Variants in CDC42BPB observed in about 807,000 individuals in gnomAD.
CDC42BPB encodes serine/threonine-protein kinase MRCK beta.
Under a neutral mutation model 214.9 loss-of-function variants are expected in CDC42BPB, and 37 were observed. The ratio of observed to expected loss-of-function variants is 0.17; its 90% CI spans 0.13 to 0.23. The LOEUF (loss-of-function observed/expected upper bound fraction) is 0.23, where lower values mean the gene tolerates loss of function less well. CDC42BPB is among the 10% of genes least tolerant of loss of function. CDC42BPB has a pLI of 1.00. For synonymous variants in CDC42BPB, 931 were observed against 884.0 expected (o/e 1.05, Z -0.94); for missense variants, 1,694 against 2,227.0 (o/e 0.76, Z 4.82).
intron 1 of CDC42BPB, among the ~76,000 whole-genome samples, chr14:103,050,231 G>C (rs918362067): frequency 6.6e-6 from 1 of 152,186 alleles, no homozygotes; most frequent in Non-Finnish European, 1.5e-5. Flanking sequence ...CTGAGGACCT[G>C]AGAGCTTTAC....
intron 34 of CDC42BPB, 66 bp downstream of exon 34, chr14:102,939,544 A>C: frequency 8.7e-7 from 1 of 1,154,272 alleles, no homozygotes; most frequent in Non-Finnish European, 1.3e-6. Flanking sequence ...CTCAGCCAGC[A>C]TGGCTGCCTG....
At chr14:103,049,565 C>G (rs889530384) in intron 1 of CDC42BPB, among the ~76,000 whole-genome samples, 1 of 152,208 alleles carries the variant, frequency 6.6e-6, no homozygotes, top group Non-Finnish European at 1.5e-5. Flanking sequence ...GCGGAGCAAG[C>G]GACTGGTAGA....
chr14:102,974,511 TTTAG>T (rs1371917727), intron 11 of CDC42BPB, among the ~76,000 whole-genome samples: 8 of 152,148 alleles, frequency 5.3e-5, no homozygotes, highest in African/African-American at 1.7e-4. Context: ...CAAGAAAAGT[TTTAG>T]TTAGTAAGTG....
In CDC42BPB at chr14:102,945,776, A is replaced by G. The variant is rs757255059; in HGVS notation, c.3749-52T>C. 4 of 1,546,786 alleles carry G rather than the reference A, an allele frequency of 2.6e-6. No homozygotes were observed. In the African/African-American group the frequency reaches 4.1e-5, roughly 16 times the overall value. On this transcript the variant is annotated intron_variant, in intron 28 of 36. Transcript: ENST00000361246. ...AAGTCAGTACAGCCGACCGTGAACAATATGGGTTTGAATGCGTGGGTGGGC... is the reference window on the plus strand; with the variant it reads ...AAGTCAGTACAGCCGACCGTGAACAGTATGGGTTTGAATGCGTGGGTGGGC...
intron 1 of CDC42BPB, among the ~76,000 whole-genome samples, chr14:103,055,354 T>C (rs572582440): frequency 2.6e-5 from 4 of 152,254 alleles, no homozygotes; most frequent in South Asian, 2.1e-4. Flanking sequence ...ACCCAGGAGA[T>C]GGAGGTTGTA....
At chr14:102,991,702 C>A (rs1002980282) in intron 5 of CDC42BPB, among the ~76,000 whole-genome samples, 6 of 152,188 alleles carry the variant, frequency 3.9e-5, no homozygotes, top group Non-Finnish European at 8.8e-5. Flanking sequence ...AAAATATTAA[C>A]AATACGTGAA....
intron 26 of CDC42BPB, 70 bp downstream of exon 26, chr14:102,949,695 C>A: frequency 1.3e-6 from 2 of 1,591,920 alleles, no homozygotes; most frequent in South Asian, 1.1e-5. Flanking sequence ...CTAAGGAACA[C>A]ACCGTCCTTT....
At chr14:103,033,223 G>GT (rs904569326) in intron 1 of CDC42BPB, among the ~76,000 whole-genome samples, 3 of 151,570 alleles carry the variant, frequency 2.0e-5, no homozygotes, top group African/African-American at 4.8e-5. Flanking sequence ...TTTTATTTTT[G>GT]TTTTTTTGTT....
chr14:103,046,872 T>TC (rs957929371), intron 1 of CDC42BPB, among the ~76,000 whole-genome samples: 1 of 151,910 alleles, frequency 6.6e-6, no homozygotes, highest in Non-Finnish European at 1.5e-5. Context: ...CAGGCTGGTC[T>TC]CCAACTCCTG....
At chr14:102,950,329 G>T in intron 25 of CDC42BPB, 137 bp downstream of exon 25, 1 of 1,219,842 alleles carries the variant, frequency 8.2e-7, no homozygotes, top group Non-Finnish European at 1.2e-6. Flanking sequence ...TCAGTGCCCA[G>T]GAGGGTAAGC....
At chr14:102,965,730 G>A (rs1893171711) in intron 18 of CDC42BPB, among the ~76,000 whole-genome samples, 1 of 152,232 alleles carries the variant, frequency 6.6e-6, no homozygotes, top group South Asian at 2.1e-4. Flanking sequence ...GCCGAAGCGG[G>A]CAGATCACCT....
intron 1 of CDC42BPB, among the ~76,000 whole-genome samples, chr14:103,015,053 G>A (rs1409665282): frequency 2.0e-5 from 3 of 152,094 alleles, no homozygotes; most frequent in Non-Finnish European, 4.4e-5. Context: ...TTTAATAGTT[G>A]TGTACACATT....
chr14:103,041,105 AG>A (rs1280223494), intron 1 of CDC42BPB, among the ~76,000 whole-genome samples: 1 of 152,234 alleles, frequency 6.6e-6, no homozygotes, highest in Non-Finnish European at 1.5e-5. Flanking sequence ...TACAACCGAG[AG>A]TCCAGAAAGA....
rs140426981 is a variant in CDC42BPB at position 102,967,150 on chromosome 14, T to C, written c.2367A>G (p.Lys789=). 2.4e-5 allele frequency: 38 copies of C among 1,614,072 alleles called. No individual in the cohort carries two copies. The African/African-American group carries it at 4.1e-4, about 18-fold the overall frequency. Residue 789 remains lysine, a synonymous_variant, in exon 17 of 37, where the codon AAA becomes AAG. Coordinates refer to ENST00000361246, the MANE Select transcript of CDC42BPB (RefSeq NM_006035.4). Reference sequence around the variant, plus strand: ...CCAGCTGTCTATTTTGAGCTGTGAGTTTATCCACAAAGGAACAGAGCTGAA... The same window carrying C: ...CCAGCTGTCTATTTTGAGCTGTGAGCTTATCCACAAAGGAACAGAGCTGAA... The part of the protein sequence containing the change: ...ENEKLCSFVD[K]LTAQNRQLED...
In CDC42BPB at chr14:103,029,858, C is replaced by CAA. The variant is rs11299296; in HGVS notation, c.176-17672_176-17671dup. On this transcript the variant is annotated intron_variant, in intron 1 of 36. Transcript: ENST00000361246. ...TAGTGACAGAGGGAGACTCCATCTCCAAAAAAAAAAAAAAAAAAAAAAAAA... is the reference window on the plus strand; with the variant it reads ...TAGTGACAGAGGGAGACTCCATCTCCAAAAAAAAAAAAAAAAAAAAAAAAAAA... Among the ~76,000 whole-genome samples the CAA allele has an allele frequency of 6.0e-3, 373 of 62,258 alleles. 1 individual carries two copies. The highest frequency in any genetic ancestry group is 0.016 in the African/African-American group (254 of 16,288). The allele number at this position is 62,258 out of a possible 152,430, so 40.8% of individuals were successfully genotyped here. A position where few individuals can be genotyped will look rare whatever the true frequency, so the allele number is the denominator to read the frequency against.
intron 4 of CDC42BPB, among the ~76,000 whole-genome samples, chr14:103,000,848 T>C (rs971424708): frequency 1.4e-4 from 21 of 151,954 alleles, no homozygotes; most frequent in African/African-American, 4.4e-4. Context: ...CAAGACCCCA[T>C]CGACACGGGA....
intron 19 of CDC42BPB, among the ~76,000 whole-genome samples, chr14:102,964,157 A>G (rs1185040530): frequency 2.6e-5 from 4 of 152,236 alleles, no homozygotes. Context: ...ATGGAGCGGC[A>G]CGGAGGTGAC....
intron 1 of CDC42BPB, among the ~76,000 whole-genome samples, chr14:103,038,015 C>T (rs1566920307): frequency 7.0e-6 from 1 of 143,486 alleles, no homozygotes; most frequent in African/African-American, 2.6e-5. Context: ...GGCAACAGAG[C>T]AAGACTCCGT....
chr14:103,035,205 G>A (rs1006958287), intron 1 of CDC42BPB, among the ~76,000 whole-genome samples: 1 of 151,966 alleles, frequency 6.6e-6, no homozygotes, highest in South Asian at 2.1e-4. Flanking sequence ...TTACAGGCAT[G>A]TGCCACCATG....
Sources: gnomAD v4.1 joint callset for allele counts (sites outside exome capture counted in the v4.1 genomes callset) on GRCh38, gnomAD v4.1.1 for gene constraint, MANE v1.5 for transcripts, NCBI Gene and HGNC (gene_info 2026-07-23, HGNC 2026-07-21) for gene names.